TUSC3: variants seen among roughly 807,000 people sequenced by gnomAD.
The protein encoded by TUSC3 is dolichyl-diphosphooligosaccharide--protein glycosyltransferase subunit TUSC3.
TUSC3 carries 45 observed loss-of-function variants against 44.8 expected under a neutral mutation model. That is an observed-to-expected ratio of 1.00 (90% CI 0.79 to 1.29). The LOEUF (loss-of-function observed/expected upper bound fraction) is 1.29, where lower values mean the gene tolerates loss of function less well. Among genes scored for constraint, TUSC3 ranks in the 50% most tolerant of loss-of-function variants. TUSC3 has a pLI of 0.00. For missense variants in TUSC3, 519 were observed against 437.9 expected (o/e 1.19, Z -1.65); for synonymous variants, 212 against 152.9 (o/e 1.39, Z -2.85).
At chr8:15,478,462 G>T (rs536370684) in intron 1 of TUSC3, among the ~76,000 whole-genome samples, 4 of 152,016 alleles carry the variant, frequency 2.6e-5, no homozygotes. Context: ...AATGTGTGTT[G>T]TTCGCCTCTG....
chr8:15,481,288 A>G (rs1394276193), intron 1 of TUSC3, among the ~76,000 whole-genome samples: 1 of 150,278 alleles, frequency 6.7e-6, no homozygotes, highest in Non-Finnish European at 1.5e-5. Flanking sequence ...TTAAGAGGTG[A>G]TTAGGCCATG....
intron 9 of TUSC3, among the ~76,000 whole-genome samples, chr8:15,751,622 CA>C (rs763211985): frequency 6.6e-6 from 1 of 152,140 alleles, no homozygotes; most frequent in Non-Finnish European, 1.5e-5. Context: ...TCAAAGAGCT[CA>C]CTGAATGTAA....
At chr8:15,570,954 G>GTTCTTTTTTTTTTTTTTT (rs1802850410) in intron 1 of TUSC3, among the ~76,000 whole-genome samples, 1 of 44,494 alleles carries the variant, frequency 2.2e-5, no homozygotes, top group African/African-American at 5.7e-5. Flanking sequence ...TTGCCTATTA[G>GTTCTTTTTTTTTTTTTTT]TTTTTTTTTT....
At chr8:15,552,985 A>G (rs1319023404) in intron 1 of TUSC3, among the ~76,000 whole-genome samples, 2 of 151,634 alleles carry the variant, frequency 1.3e-5, no homozygotes, top group African/African-American at 4.8e-5. Flanking sequence ...ACTAGACAGT[A>G]CTCGGTAATT....
chr8:15,789,113 G>A, the TUSC3 span, among the ~76,000 whole-genome samples: 76 of 152,248 alleles, frequency 5.0e-4, 1 homozygote, highest in African/African-American at 1.7e-3. Context: ...TGAACAAATA[G>A]CATTATCCAC....
intron 2 of TUSC3, among the ~76,000 whole-genome samples, chr8:15,497,213 A>G (rs147191699): frequency 2.8e-4 from 42 of 152,336 alleles, no homozygotes; most frequent in African/African-American, 9.9e-4. Context: ...GACTTGGTAG[A>G]TAAATGAACC....
the TUSC3 span, among the ~76,000 whole-genome samples, chr8:15,784,615 C>G: frequency 0.023 from 3,473 of 151,990 alleles, 58 homozygotes; most frequent in Non-Finnish European, 0.035. Flanking sequence ...TTTGCAACAA[C>G]AGAGATGAAT....
intron 1 of TUSC3, among the ~76,000 whole-genome samples, chr8:15,424,600 G>C (rs1164871843): frequency 6.6e-6 from 1 of 152,178 alleles, no homozygotes; most frequent in Non-Finnish European, 1.5e-5. Context: ...ATCGTTAGTG[G>C]CTGGATGCGG....
intron 1 of TUSC3, 70 bp from the exon 2 acceptor site, chr8:15,623,010 G>A (rs1805321027): frequency 6.9e-7 from 1 of 1,440,550 alleles, no homozygotes; most frequent in Non-Finnish European, 9.6e-7. Context: ...AACATTTTAT[G>A]CATTTATATG....
At chr8:15,773,488 G>T in the TUSC3 span, among the ~76,000 whole-genome samples, 68 of 152,186 alleles carry the variant, frequency 4.5e-4, 1 homozygote, top group Middle Eastern at 3.4e-3. Context: ...TTCATACGTT[G>T]AAAAACATAA....
chr8:15,644,083 A>G (rs770822761), intron 2 of TUSC3, among the ~76,000 whole-genome samples: 87 of 152,370 alleles, frequency 5.7e-4, no homozygotes, highest in Non-Finnish European at 1.1e-3. Context: ...GGAAATAAAT[A>G]TGTAGAACTG....
At chr8:15,488,092 TA>T (rs2129125514) in intron 2 of TUSC3, among the ~76,000 whole-genome samples, 1 of 152,236 alleles carries the variant, frequency 6.6e-6, no homozygotes, top group Non-Finnish European at 1.5e-5. Flanking sequence ...AAGGAAGATT[TA>T]AAGTAGAAAA....
intron 1 of TUSC3, among the ~76,000 whole-genome samples, chr8:15,551,520 T>A (rs1802060230): frequency 6.6e-6 from 1 of 151,760 alleles, no homozygotes; most frequent in Non-Finnish European, 1.5e-5. Context: ...AGTTCTTTTA[T>A]TTGACTGTCA....
chr8:15,761,894 T>G (rs1047199436), intron 10 of TUSC3, among the ~76,000 whole-genome samples: 1 of 152,148 alleles, frequency 6.6e-6, no homozygotes, highest in Non-Finnish European at 1.5e-5. Flanking sequence ...ACTATTATAC[T>G]GTTAGATTAA....
chr8:15,686,984 A>C (rs1156831940), intron 6 of TUSC3, among the ~76,000 whole-genome samples: 29 of 152,134 alleles, frequency 1.9e-4, no homozygotes, highest in Admixed American at 1.6e-3. Context: ...GAGGCAGGAG[A>C]ATGGCCTGAA....
chr8:15,678,128 T>C lies in TUSC3; in HGVS notation c.798+4292T>C, dbSNP rs78023683. On this transcript the variant is annotated intron_variant, in intron 6 of 10. Transcript: ENST00000503731. ...TCTCTGGGAGCCTGTGTAGGGCATG[T>C]ATGTCAACTTTCCTACTACAGTGGT... Among the ~76,000 whole-genome samples, 202 of 152,274 alleles carry C rather than the reference T, an allele frequency of 1.3e-3. 6 individuals carry two copies. The East Asian group carries it at 0.035, about 26-fold the overall frequency.
At chr8:15,571,023 C>G (rs1802856764) in intron 1 of TUSC3, among the ~76,000 whole-genome samples, 1 of 118,330 alleles carries the variant, frequency 8.5e-6, no homozygotes, top group Non-Finnish European at 1.6e-5. Context: ...GTGATATGAT[C>G]TTGGCTCACT....
chr8:15,656,250 C>G (rs932697204), intron 3 of TUSC3, among the ~76,000 whole-genome samples: 1 of 152,062 alleles, frequency 6.6e-6, no homozygotes, highest in African/African-American at 2.4e-5. Context: ...CTAGTACCAA[C>G]TCAAAATTCC....
chr8:15,648,146 A>T (rs1461578084), intron 2 of TUSC3, among the ~76,000 whole-genome samples: 1 of 152,034 alleles, frequency 6.6e-6, no homozygotes, highest in African/African-American at 2.4e-5. Flanking sequence ...GGTCCTTCTC[A>T]TTCTGTCATA....
Sources: gnomAD v4.1 joint callset for allele counts (sites outside exome capture counted in the v4.1 genomes callset) on GRCh38, gnomAD v4.1.1 for gene constraint, MANE v1.5 for transcripts, NCBI Gene and HGNC (gene_info 2026-07-23, HGNC 2026-07-21) for gene names.